The following PLCB1 variants were observed in gnomAD, a reference collection of about 807,000 sequenced individuals.
PLCB1 encodes 1-phosphatidylinositol 4,5-bisphosphate phosphodiesterase beta-1.
Under a neutral mutation model 161.8 loss-of-function variants are expected in PLCB1, and 46 were observed. The observed-to-expected ratio is 0.28, with a 90% confidence interval of 0.22 to 0.36. The LOEUF (loss-of-function observed/expected upper bound fraction) is 0.36, where lower values mean the gene tolerates loss of function less well. PLCB1 is among the 10% of genes least tolerant of loss of function. The probability of loss-of-function intolerance (pLI) is 1.00; values close to 1 mark genes in which losing one functional copy is unlikely to be tolerated. For missense variants in PLCB1, 1,016 were observed against 1,472.5 expected, an observed-to-expected ratio of 0.69 and a Z score of 5.07; for synonymous variants, 517 against 503.7, an observed-to-expected ratio of 1.03 and a Z score of -0.35.
chr20:8,317,578 A>G (rs1984716126), intron 2 of PLCB1, among the ~76,000 whole-genome samples: 1 of 151,300 alleles, frequency 6.6e-6, no homozygotes, highest in Non-Finnish European at 1.5e-5. Context: ...GGGCACTTGC[A>G]AATCCTTAGT....
chr20:8,462,467 A>G (rs1280523926), intron 3 of PLCB1, among the ~76,000 whole-genome samples: 1 of 152,228 alleles, frequency 6.6e-6, no homozygotes, highest in African/African-American at 2.4e-5. Flanking sequence ...TTTGTTTCTT[A>G]AAGTATTTAT....
At chr20:8,170,976 T>C in intron 2 of PLCB1, among the ~76,000 whole-genome samples, 1 of 152,218 alleles carries the variant, frequency 6.6e-6, no homozygotes, top group East Asian at 1.9e-4. Flanking sequence ...AATTTAGATC[T>C]GATTTAAAAT....
chr20:8,211,552 T>C (rs1978822232), intron 2 of PLCB1, among the ~76,000 whole-genome samples: 1 of 152,132 alleles, frequency 6.6e-6, no homozygotes, highest in Admixed American at 6.6e-5. Flanking sequence ...TACATTCAAA[T>C]GAAGTTGTAG....
At chr20:8,851,401 A>G (rs920538886) in intron 31 of PLCB1, among the ~76,000 whole-genome samples, 1 of 152,206 alleles carries the variant, frequency 6.6e-6, no homozygotes, top group Non-Finnish European at 1.5e-5. Context: ...ACTTGCTTCA[A>G]CAGGCCACAG....
intron 3 of PLCB1, among the ~76,000 whole-genome samples, chr20:8,549,849 G>A (rs1985709296): frequency 6.6e-6 from 1 of 152,194 alleles, no homozygotes; most frequent in African/African-American, 2.4e-5. Flanking sequence ...TGAGATTACA[G>A]GCATGAGCCA....
intron 3 of PLCB1, among the ~76,000 whole-genome samples, chr20:8,523,496 C>CTCTCTCTCTCTCTATATATATA: frequency 2.5e-3 from 129 of 51,610 alleles, no homozygotes; most frequent in Middle Eastern, 0.012. Context: ...CTCTCTCTCT[C>CTCTCTCTCTCTCTATATATATA]TATATATATA....
chr20:8,750,779 TTC>T, intron 23 of PLCB1: 1 of 1,229,400 alleles, frequency 8.1e-7, no homozygotes, highest in Non-Finnish European at 1.1e-6. Context: ...CAAAGCTACT[TTC>T]TGACAATATT....
At chr20:8,476,876 A>G (rs554486428) in intron 3 of PLCB1, among the ~76,000 whole-genome samples, 10 of 152,304 alleles carry the variant, frequency 6.6e-5, no homozygotes, top group Admixed American at 4.6e-4. Context: ...AATGATGGAA[A>G]GGAGGCTCCC....
Position 8,774,523 on chromosome 20 carries a change from C to T in PLCB1, c.2931-16C>T, listed in dbSNP as rs760260975. ...TGGCCTGTCTGTTTTGTGAGTCAAA[C>T]TCTGTGTCTTTGCAGATCGGAACCC... On this transcript the variant is annotated splice_polypyrimidine_tract_variant and intron_variant, in intron 26 of 31. Transcript: ENST00000338037. The T allele has an allele frequency of 1.3e-6, 2 of 1,579,930 alleles. No homozygotes were observed. Among genetic ancestry groups the T allele is most frequent in the South Asian group, 2.3e-5 (2 of 86,260 alleles).
At chr20:8,686,630 TAGGGTTTTCA>T (rs1463189192) in intron 10 of PLCB1, among the ~76,000 whole-genome samples, 1 of 152,230 alleles carries the variant, frequency 6.6e-6, no homozygotes, top group African/African-American at 2.4e-5. Context: ...TGACTATCAC[TAGGGTTTTCA>T]GATTTTATGT....
intron 11 of PLCB1, among the ~76,000 whole-genome samples, chr20:8,707,789 A>G (rs1285505511): frequency 6.6e-5 from 10 of 152,326 alleles, no homozygotes; most frequent in African/African-American, 2.4e-4. Flanking sequence ...TTTACTTTCT[A>G]GAATTTTGTA....
chr20:8,682,623 G>A (rs949901833), intron 9 of PLCB1, among the ~76,000 whole-genome samples: 2 of 152,210 alleles, frequency 1.3e-5, no homozygotes, highest in Admixed American at 1.3e-4. Context: ...TAAATAATCA[G>A]TGCTAGCTTT....
chr20:8,504,323 A>G (rs1202265665), intron 3 of PLCB1, among the ~76,000 whole-genome samples: 12 of 152,202 alleles, frequency 7.9e-5, no homozygotes, highest in Non-Finnish European at 1.3e-4. Context: ...CCCTTGAGCT[A>G]TAAGTTCCTG....
At chr20:8,871,346 A>G (rs1987602226) in intron 31 of PLCB1, among the ~76,000 whole-genome samples, 1 of 152,204 alleles carries the variant, frequency 6.6e-6, no homozygotes, top group Non-Finnish European at 1.5e-5. Context: ...CATCTATTGT[A>G]TGTCCAATGG....
At chr20:8,348,756 C>G (rs1431693188) in intron 2 of PLCB1, among the ~76,000 whole-genome samples, 1 of 152,184 alleles carries the variant, frequency 6.6e-6, no homozygotes, top group Non-Finnish European at 1.5e-5. Context: ...TACACATTTA[C>G]TGTGGTTATA....
intron 3 of PLCB1, among the ~76,000 whole-genome samples, chr20:8,624,504 A>T (rs1324486487): frequency 6.6e-6 from 1 of 152,202 alleles, no homozygotes. Context: ...AAAAGTAAGG[A>T]TTCAAACCAG....
intron 31 of PLCB1, chr20:8,792,734 A>G: frequency 2.3e-6 from 1 of 434,474 alleles, no homozygotes; most frequent in Admixed American, 2.9e-5. Context: ...ATGGCTTAAA[A>G]ACGTTGTGCC....
At chr20:8,469,144 CA>C (rs1981942456) in intron 3 of PLCB1, among the ~76,000 whole-genome samples, 1 of 152,106 alleles carries the variant, frequency 6.6e-6, no homozygotes. Flanking sequence ...GTTCTGCCTT[CA>C]AAGAGCTTGC....
At chr20:8,363,783 T>G (rs1408481739) in intron 2 of PLCB1, among the ~76,000 whole-genome samples, 1 of 152,142 alleles carries the variant, frequency 6.6e-6, no homozygotes, top group African/African-American at 2.4e-5. Flanking sequence ...TGCAGAGATT[T>G]GTGAGGAAAT....
Sources: gnomAD v4.1 joint callset for allele counts (sites outside exome capture counted in the v4.1 genomes callset) on GRCh38, gnomAD v4.1.1 for gene constraint, MANE v1.5 for transcripts, NCBI Gene and HGNC (gene_info 2026-07-23, HGNC 2026-07-21) for gene names.